The following RPS6KC1 variants were observed in gnomAD, a reference collection of about 807,000 sequenced individuals.
The protein encoded by RPS6KC1 is inactive ribosomal protein S6 kinase delta-1.
In RPS6KC1, 54 loss-of-function variants were observed where a neutral mutation model predicts 103.8. The observed-to-expected ratio is 0.52, with a 90% CI of 0.42 to 0.65. The LOEUF is 0.65. RPS6KC1 is among the 30% of genes least tolerant of loss of function. The probability of loss-of-function intolerance (pLI) is 0.00; values close to 1 mark genes in which losing one functional copy is unlikely to be tolerated. For synonymous variants in RPS6KC1, 439 were observed against 438.7 expected (o/e 1.00, Z -0.01); for missense variants, 1,151 against 1,253.8 (o/e 0.92, Z 1.24).
chr1:213,568,972 C>T, the RPS6KC1 span, among the ~76,000 whole-genome samples: 2 of 152,188 alleles, frequency 1.3e-5, no homozygotes, highest in Admixed American at 1.3e-4. Context: ...CACCATCAGG[C>T]CTGAGAGATC....
At chr1:213,071,132 C>A in intron 2 of RPS6KC1, 91 bp downstream of exon 2, 1 of 742,528 alleles carries the variant, frequency 1.3e-6, no homozygotes, top group Non-Finnish European at 2.2e-6. Context: ...ATTTGTACAT[C>A]AACCTCTTTT....
the RPS6KC1 span, among the ~76,000 whole-genome samples, chr1:213,742,537 A>G: frequency 6.6e-6 from 1 of 152,232 alleles, no homozygotes; most frequent in Non-Finnish European, 1.5e-5. Flanking sequence ...ACCTGCCATC[A>G]CTGAGGTAAA....
At chr1:213,649,035 C>G in the RPS6KC1 span, among the ~76,000 whole-genome samples, 1 of 152,196 alleles carries the variant, frequency 6.6e-6, no homozygotes, top group East Asian at 1.9e-4. Flanking sequence ...TGTACCAACC[C>G]TCTCACTTGC....
At chr1:213,067,029 G>C (rs2078392056) in intron 1 of RPS6KC1, among the ~76,000 whole-genome samples, 1 of 152,074 alleles carries the variant, frequency 6.6e-6, no homozygotes, top group Admixed American at 6.5e-5. Flanking sequence ...AACTCAAAAG[G>C]ATACAGCCAT....
At chr1:213,643,687 A>C in the RPS6KC1 span, among the ~76,000 whole-genome samples, 1 of 151,876 alleles carries the variant, frequency 6.6e-6, no homozygotes, top group Non-Finnish European at 1.5e-5. Flanking sequence ...AAATGAAGTT[A>C]GGAGGGAAAA....
chr1:213,297,123 CT>C, the RPS6KC1 span, among the ~76,000 whole-genome samples: 1 of 152,182 alleles, frequency 6.6e-6, no homozygotes, highest in African/African-American at 2.4e-5. Flanking sequence ...CGTGCAAAGT[CT>C]TAAAGAGGGC....
At chr1:213,709,131 G>A in the RPS6KC1 span, among the ~76,000 whole-genome samples, 1 of 152,186 alleles carries the variant, frequency 6.6e-6, no homozygotes, top group Non-Finnish European at 1.5e-5. Context: ...AATGATACCA[G>A]CTCCTCTTTG....
At chr1:213,837,137 C>T in the RPS6KC1 span, among the ~76,000 whole-genome samples, 1 of 152,122 alleles carries the variant, frequency 6.6e-6, no homozygotes, top group African/African-American at 2.4e-5. Flanking sequence ...TTAGCTTTTC[C>T]CTTCCATCTG....
At chr1:213,550,287 G>A in the RPS6KC1 span, among the ~76,000 whole-genome samples, 1 of 152,164 alleles carries the variant, frequency 6.6e-6, no homozygotes, top group Non-Finnish European at 1.5e-5. Context: ...TTACGAAATT[G>A]ACTCAGAATT....
chr1:213,561,726 T>G, the RPS6KC1 span, among the ~76,000 whole-genome samples: 3 of 152,198 alleles, frequency 2.0e-5, no homozygotes, highest in Non-Finnish European at 4.4e-5. Context: ...ACTCACCCAC[T>G]AATACATAAC....
chr1:213,640,852 T>C, the RPS6KC1 span, among the ~76,000 whole-genome samples: 1 of 151,622 alleles, frequency 6.6e-6, no homozygotes, highest in African/African-American at 2.4e-5. Context: ...AAAAAATGTA[T>C]ATTCTACTGG....
At chr1:213,393,413 A>G in the RPS6KC1 span, among the ~76,000 whole-genome samples, 3 of 151,234 alleles carry the variant, frequency 2.0e-5, no homozygotes, top group Non-Finnish European at 2.9e-5. Context: ...TTCTCCCTTC[A>G]CTCCGAAGTT....
At chr1:213,334,273 A>G in the RPS6KC1 span, among the ~76,000 whole-genome samples, 1 of 152,228 alleles carries the variant, frequency 6.6e-6, no homozygotes, top group Non-Finnish European at 1.5e-5. Flanking sequence ...CCCCCAGGAC[A>G]TACAGGTGCT....
chr1:213,299,950 G>A, the RPS6KC1 span, among the ~76,000 whole-genome samples: 1 of 152,092 alleles, frequency 6.6e-6, no homozygotes, highest in Non-Finnish European at 1.5e-5. Context: ...GACTACAGGT[G>A]CCTGCCACCA....
At chr1:213,728,295 G>A in the RPS6KC1 span, among the ~76,000 whole-genome samples, 1 of 152,144 alleles carries the variant, frequency 6.6e-6, no homozygotes, top group African/African-American at 2.4e-5. Context: ...TGAGAAAAAT[G>A]TACCGCATGT....
At chr1:213,456,778 T>C in the RPS6KC1 span, among the ~76,000 whole-genome samples, 1 of 152,230 alleles carries the variant, frequency 6.6e-6, no homozygotes, top group Non-Finnish European at 1.5e-5. Flanking sequence ...ATTCCATTTT[T>C]AATAACTCCC....
intron 8 of RPS6KC1, among the ~76,000 whole-genome samples, chr1:213,198,698 A>G (rs2093043530): frequency 6.6e-6 from 1 of 152,236 alleles, no homozygotes; most frequent in Admixed American, 6.5e-5. Context: ...TCAATAATTA[A>G]TAACCTTCCA....
the RPS6KC1 span, among the ~76,000 whole-genome samples, chr1:213,502,754 T>G: frequency 6.6e-6 from 1 of 152,190 alleles, no homozygotes; most frequent in Admixed American, 6.5e-5. Flanking sequence ...AGAAGAAAGA[T>G]GAAGAATATT....
At chr1:213,518,855 G>C in the RPS6KC1 span, among the ~76,000 whole-genome samples, 1 of 152,146 alleles carries the variant, frequency 6.6e-6, no homozygotes, top group Non-Finnish European at 1.5e-5. Context: ...TATCCATGTG[G>C]GGCTGTAGAA....
Sources: allele counts gnomAD v4.1 joint callset (sites outside exome capture counted in the v4.1 genomes callset), GRCh38; gene constraint gnomAD v4.1.1; transcripts MANE v1.5; gene names NCBI Gene and HGNC (gene_info 2026-07-23, HGNC 2026-07-21).